ERC1: variants seen among roughly 807,000 people sequenced by gnomAD.
ERC1 encodes the protein RAB6 interacting protein 2.
A neutral mutation model predicts 132.0 loss-of-function variants in ERC1; 56 were observed. The observed-to-expected ratio is 0.42, with a 90% CI of 0.34 to 0.53. The LOEUF (loss-of-function observed/expected upper bound fraction) is 0.53, where lower values mean the gene tolerates loss of function less well. ERC1 is among the 20% of genes least tolerant of loss of function. The probability of loss-of-function intolerance (pLI) is 0.03; values close to 1 mark genes in which losing one functional copy is unlikely to be tolerated. For synonymous variants in ERC1, 478 were observed against 476.1 expected, an observed-to-expected ratio of 1.00 and a Z score of -0.05; for missense variants, 1,202 against 1,349.9, an observed-to-expected ratio of 0.89 and a Z score of 1.72.
chr12:1,262,772 TTC>T (rs1219977903), intron 13 of ERC1, among the ~76,000 whole-genome samples: 1 of 152,112 alleles, frequency 6.6e-6, no homozygotes, highest in Non-Finnish European at 1.5e-5. Context: ...CACAGTTTTG[TTC>T]TCTCTGTTAC....
rs559729784 is a variant in ERC1, at chr12:1,232,697, ATTGTT to A, written c.2352-4069_2352-4065del. On this transcript the variant is annotated intron_variant, in intron 12 of 18. Transcript: ENST00000360905. ...ATTAAACTGTTTGTTTTGTTCATGTATTGTTTTCCTAATTTTTGTTGAGTTTCCTG... is the reference window on the plus strand; with the variant it reads ...ATTAAACTGTTTGTTTTGTTCATGTATTCCTAATTTTTGTTGAGTTTCCTG... Among the ~76,000 whole-genome samples the A allele has an allele frequency of 1.9e-3, 283 of 150,862 alleles. 1 individual carries two copies. Among genetic ancestry groups the A allele is most frequent in the Non-Finnish European group, 2.6e-3 (177 of 67,624 alleles).
intron 18 of ERC1, among the ~76,000 whole-genome samples, chr12:1,484,057 G>C (rs1349743073): frequency 2.5e-5 from 3 of 120,142 alleles, no homozygotes. Flanking sequence ...TGTAATCCCA[G>C]CACTTTGGGA....
At chr12:1,352,752 T>G (rs1400831077) in intron 15 of ERC1, among the ~76,000 whole-genome samples, 1 of 152,230 alleles carries the variant, frequency 6.6e-6, no homozygotes, top group Admixed American at 6.5e-5. Context: ...AATGAGAGAT[T>G]GTTATCGGAG....
intron 15 of ERC1, among the ~76,000 whole-genome samples, chr12:1,312,019 T>C (rs1240597187): frequency 6.6e-6 from 1 of 152,212 alleles, no homozygotes; most frequent in Non-Finnish European, 1.5e-5. Context: ...CTCAAGAACA[T>C]GATTTTGTCT....
At chr12:1,342,068 A>G (rs1281462880) in intron 15 of ERC1, among the ~76,000 whole-genome samples, 1 of 152,076 alleles carries the variant, frequency 6.6e-6, no homozygotes, top group East Asian at 1.9e-4. Context: ...TATATTAATA[A>G]TATACTATAA....
intron 12 of ERC1, among the ~76,000 whole-genome samples, chr12:1,215,610 C>T (rs981365020): frequency 1.3e-5 from 2 of 151,978 alleles, no homozygotes; most frequent in Non-Finnish European, 2.9e-5. Flanking sequence ...CCCTTTAGCT[C>T]ATGGAGATGA....
intron 14 of ERC1, among the ~76,000 whole-genome samples, chr12:1,287,523 A>G (rs931397867): frequency 1.3e-5 from 2 of 152,198 alleles, no homozygotes; most frequent in Non-Finnish European, 2.9e-5. Context: ...GGTGGGCCTT[A>G]TCCAGTCAGT....
chr12:1,311,685 C>T (rs1238123148), intron 15 of ERC1, among the ~76,000 whole-genome samples: 1 of 152,038 alleles, frequency 6.6e-6, no homozygotes, highest in Non-Finnish European at 1.5e-5. Flanking sequence ...GAAATGGTAC[C>T]GATCCAGTTG....
At position 1,265,796 on chromosome 12, in the gene ERC1, G is replaced by T. The variant is rs142267756; in HGVS notation, c.2619+2631G>T. ...TTTGCCGTTTTCTTTATTGGTAGTT[G>T]GAGTCATATAGTATGTAGCATGTTC... On this transcript the variant is annotated intron_variant, in intron 14 of 18. Coordinates refer to ENST00000360905, the MANE Select transcript of ERC1 (RefSeq NM_178040.4). 4.4e-3 allele frequency among the ~76,000 whole-genome samples: 675 copies of T among 152,206 alleles called. 7 individuals are homozygous for T. Among genetic ancestry groups the T allele is most frequent in the African/African-American group, 0.015 (612 of 41,528 alleles).
intron 18 of ERC1, among the ~76,000 whole-genome samples, chr12:1,485,237 C>T (rs2094190349): frequency 7.6e-6 from 1 of 131,046 alleles, no homozygotes; most frequent in African/African-American, 3.0e-5. Context: ...CAGAGTCTCG[C>T]TCTGTCACCC....
intron 17 of ERC1, among the ~76,000 whole-genome samples, chr12:1,425,575 C>A (rs1437739799): frequency 6.6e-6 from 1 of 152,218 alleles, no homozygotes; most frequent in Non-Finnish European, 1.5e-5. Context: ...ACAAAGGTCT[C>A]ACGCAGTCAT....
intron 7 of ERC1, among the ~76,000 whole-genome samples, chr12:1,128,093 C>T (rs1212131752): frequency 2.0e-5 from 3 of 152,172 alleles, no homozygotes; most frequent in Non-Finnish European, 4.4e-5. Flanking sequence ...TTCTCTCAAC[C>T]TAGTACGTGT....
intron 18 of ERC1, among the ~76,000 whole-genome samples, chr12:1,447,671 A>C (rs1466704237): frequency 1.3e-5 from 2 of 148,384 alleles, no homozygotes; most frequent in Non-Finnish European, 3.0e-5. Context: ...TGTTTTGGAG[A>C]CAGAGTCTCG....
intron 2 of ERC1, among the ~76,000 whole-genome samples, chr12:1,050,591 C>T (rs1971772315): frequency 6.6e-6 from 1 of 152,110 alleles, no homozygotes; most frequent in Non-Finnish European, 1.5e-5. Flanking sequence ...TCAGTGTTTT[C>T]CCTATTCTTT....
intron 2 of ERC1, among the ~76,000 whole-genome samples, chr12:1,056,594 C>A (rs1973016132): frequency 6.6e-6 from 1 of 152,058 alleles, no homozygotes; most frequent in Non-Finnish European, 1.5e-5. Flanking sequence ...TTCCATTTGC[C>A]TAGGGTGCAA....
intron 15 of ERC1, among the ~76,000 whole-genome samples, chr12:1,309,078 T>C (rs978636126): frequency 6.6e-6 from 1 of 152,242 alleles, no homozygotes; most frequent in African/African-American, 2.4e-5. Context: ...TACAGCACTT[T>C]GATTTTAGGC....
chr12:1,443,592 C>T (rs927322693), intron 17 of ERC1: 3 of 152,304 alleles, frequency 2.0e-5, no homozygotes, highest in African/African-American at 7.2e-5. Flanking sequence ...CGGTGCTTCG[C>T]AGTGCTCACA....
chr12:1,104,612 G>C (rs1175936434), intron 3 of ERC1, 138 bp from the exon 4 acceptor site: 1 of 633,284 alleles, frequency 1.6e-6, no homozygotes, highest in Non-Finnish European at 2.9e-6. Context: ...GATTCACAGG[G>C]AAAGGTTGGT....
chr12:1,083,966 G>T (rs1432220066), intron 3 of ERC1, among the ~76,000 whole-genome samples: 1 of 152,228 alleles, frequency 6.6e-6, no homozygotes, highest in Non-Finnish European at 1.5e-5. Flanking sequence ...TAGTAAAAGA[G>T]AGTAAGCGGT....
Sources: gnomAD v4.1 joint callset for allele counts (sites outside exome capture counted in the v4.1 genomes callset) on GRCh38, gnomAD v4.1.1 for gene constraint, MANE v1.5 for transcripts, NCBI Gene and HGNC (gene_info 2026-07-23, HGNC 2026-07-21) for gene names.